HNRNPK: variants seen among roughly 807,000 people sequenced by gnomAD.
HNRNPK encodes heterogeneous nuclear ribonucleoprotein K.
A neutral mutation model predicts 67.0 loss-of-function variants in HNRNPK; 7 were observed. The ratio of observed to expected loss-of-function variants is 0.10; its 90% CI spans 0.06 to 0.20. The LOEUF (loss-of-function observed/expected upper bound fraction) is 0.20, where lower values mean the gene tolerates loss of function less well. Among genes scored for constraint, HNRNPK ranks in the 10% least tolerant of loss-of-function variants. The pLI, the probability that HNRNPK is intolerant of heterozygous loss-of-function variation, is 1.00. For missense variants in HNRNPK, 264 were observed against 606.5 expected (o/e 0.44, Z 5.93); for synonymous variants, 213 against 193.7 (o/e 1.10, Z -0.83).
Position 83,978,390 on chromosome 9 carries a change from T to C in HNRNPK, c.-45A>G. 4 of 1,463,940 alleles carry C rather than the reference T, an allele frequency of 2.7e-6. No homozygotes were observed. The highest frequency in any genetic ancestry group is 3.6e-6 in the Non-Finnish European group (4 of 1,114,982). The allele number at this position is 1,463,940 out of a possible 1,614,324, so 90.7% of individuals were successfully genotyped here. On this transcript the variant is annotated 5_prime_UTR_variant, in exon 2 of 17. Coordinates refer to ENST00000376263, the MANE Select transcript of HNRNPK (RefSeq NM_031263.4). ...GAACGTACCAGTTATTATATATCCT[T>C]GCAGAGCAGAACTGAAGCGTTCTGG...
intron 1 of HNRNPK, among the ~76,000 whole-genome samples, chr9:83,979,713 C>CTCATCCCCCGCA (rs1453982520): frequency 6.8e-6 from 1 of 147,954 alleles, no homozygotes; most frequent in African/African-American, 2.5e-5. Context: ...GTCCCGAGGT[C>CTCATCCCCCGCA]TCATCCCCCG....
chr9:83,977,904 C>CT, intron 3 of HNRNPK, 118 bp from the exon 4 acceptor site: 2 of 664,166 alleles, frequency 3.0e-6, no homozygotes, highest in Non-Finnish European at 5.2e-6. Flanking sequence ...AAAGGCATTG[C>CT]TACAGACTTG....
At chr9:83,974,629 GGAAAA>G in intron 6 of HNRNPK, 40 bp from the exon 7 acceptor site, 3 of 1,435,630 alleles carry the variant, frequency 2.1e-6, no homozygotes, top group Middle Eastern at 1.8e-4. Context: ...CAAAAAAGGT[GGAAAA>G]GAAAAATGAG....
At position 83,978,500 on chromosome 9, in the gene HNRNPK, CTGAA is replaced by C. The variant is rs1957176460; in HGVS notation, c.-107-52_-107-49del. Reference sequence around the variant, plus strand: ...GTTTTGCTTTTGTTTATTCTTATTACTGAATATTTGTTTCCGATCACAGTGAATA... The same window carrying C: ...GTTTTGCTTTTGTTTATTCTTATTACTATTTGTTTCCGATCACAGTGAATA... On this transcript the variant is annotated intron_variant, in intron 1 of 16. Coordinates refer to ENST00000376263, the MANE Select transcript of HNRNPK (RefSeq NM_031263.4). 1.3e-5 allele frequency: 7 copies of C among 540,152 alleles called. No individual in the cohort carries two copies. The South Asian group carries it at 4.5e-4, about 35-fold the overall frequency. 33.5% of individuals were successfully genotyped at this position (540,152 alleles called of 1,614,324 possible).
chr9:83,980,277 C>A, upstream of HNRNPK: 1 of 152,568 alleles, frequency 6.6e-6, no homozygotes, highest in Non-Finnish European at 1.5e-5. Flanking sequence ...CTATTGGCTG[C>A]CAGGGCTTCA....
At chr9:83,970,613 C>T (rs1423430844) in intron 15 of HNRNPK, 124 bp downstream of exon 15, 1 of 728,274 alleles carries the variant, frequency 1.4e-6, no homozygotes, top group South Asian at 1.9e-5. Context: ...CACTAAAGCC[C>T]ATTAACATAA....
At chr9:83,973,762 G>A (rs1564064582) in intron 8 of HNRNPK, 140 bp downstream of exon 8, 10 of 632,142 alleles carry the variant, frequency 1.6e-5, no homozygotes, top group South Asian at 4.1e-5. Context: ...AGGGTCAACA[G>A]TGAGTTGTAA....
intron 1 of HNRNPK, among the ~76,000 whole-genome samples, chr9:83,979,359 G>T (rs973461690): frequency 1.1e-4 from 16 of 152,356 alleles, no homozygotes; most frequent in African/African-American, 3.8e-4. Flanking sequence ...GGTGGGAGAA[G>T]AGTTGGATAA....
chr9:83,974,234 A>G (rs1384433209), intron 7 of HNRNPK, among the ~76,000 whole-genome samples: 2 of 152,050 alleles, frequency 1.3e-5, no homozygotes, highest in Admixed American at 1.3e-4. Flanking sequence ...TTCTAATTTT[A>G]AAAATCTTTC....
chr9:83,974,000 G>T (rs897505515), intron 7 of HNRNPK, 27 bp from the exon 8 acceptor site: 7 of 1,521,122 alleles, frequency 4.6e-6, no homozygotes, highest in Non-Finnish European at 5.5e-6. Flanking sequence ...AAGAGTAATA[G>T]GTTAAGTGTC....
intron 10 of HNRNPK, 108 bp downstream of exon 10, chr9:83,972,736 G>T (rs1376675845): frequency 1.3e-6 from 1 of 763,592 alleles, no homozygotes; most frequent in Non-Finnish European, 2.0e-6. Flanking sequence ...AATTGCTAGG[G>T]AAAGGGCAAA....
chr9:83,970,973 T>TA (rs1298848320), intron 13 of HNRNPK, 61 bp from the exon 14 acceptor site: 14 of 1,516,160 alleles, frequency 9.2e-6, no homozygotes, highest in African/African-American at 1.4e-5. Flanking sequence ...ACCGGTACTT[T>TA]AAAAAAATTC....
In HNRNPK at chr9:83,974,504, A is replaced by T. The variant is rs756220331; in HGVS notation, c.330+13T>A. 149 of 1,408,818 alleles carry T rather than the reference A, an allele frequency of 1.1e-4. No individual in the cohort carries two copies. Among genetic ancestry groups the T allele is most frequent in the Non-Finnish European group, 1.4e-4 (143 of 1,005,934 alleles). The allele number at this position is 1,408,818 out of a possible 1,614,324, so 87.3% of individuals were successfully genotyped here. A position where few individuals can be genotyped will look rare whatever the true frequency, so the allele number is the denominator to read the frequency against. On this transcript the variant is annotated intron_variant, in intron 7 of 16. Transcript: ENST00000376263. The stretch of plus-strand genomic sequence containing the variant: ...TCATATTGTCAAATACATTTAAAAA[A>T]AAATGAGCCTACCTCTTCCAAGGTA...
chr9:83,970,404 T>C (rs1588410778), intron 15 of HNRNPK, 73 bp from the exon 16 acceptor site: 3 of 1,183,292 alleles, frequency 2.5e-6, no homozygotes, highest in South Asian at 1.4e-5. Context: ...TCAAGGAGCA[T>C]GAAGTTATTA....
rs1956875649 is a variant in HNRNPK, at chr9:83,972,164, G to A, written c.671C>T (p.Pro224Leu). 6.2e-7 allele frequency: 1 copy of A among 1,609,866 alleles called. No individual in the cohort carries two copies. The highest frequency in any genetic ancestry group is 8.5e-7 in the Non-Finnish European group (1 of 1,177,750). The change falls in exon 11 of 17, where the codon CCT (proline) becomes CTT (leucine). Residue 224 changes from proline (P) to leucine (L), a missense_variant. By Grantham distance (98) the Pro-to-Leu change is moderately conservative. Coordinates refer to ENST00000376263, the MANE Select transcript of HNRNPK (RefSeq NM_031263.4). ...SESPIKGRAQ[P>L]YDPNFYDETY... The stretch of plus-strand genomic sequence containing the variant: ...TTCATCGTAAAAATTGGGATCATAA[G>A]GCTGTGCACGTCCTTTGATGGGAGA...
At chr9:83,978,541 C>A in intron 1 of HNRNPK, 89 bp from the exon 2 acceptor site, 1 of 287,670 alleles carries the variant, frequency 3.5e-6, no homozygotes, top group Non-Finnish European at 6.0e-6. Context: ...TGATTTGAAC[C>A]CAAAAAACCA....
chr9:83,975,235 A>G (rs1249913311), intron 6 of HNRNPK, among the ~76,000 whole-genome samples: 3 of 152,210 alleles, frequency 2.0e-5, no homozygotes, highest in Non-Finnish European at 4.4e-5. Flanking sequence ...AATATGCAAC[A>G]CTTGAAGCTG....
chr9:83,975,758 TTTTAA>T (rs1957039715), intron 5 of HNRNPK: 1 of 565,034 alleles, frequency 1.8e-6, no homozygotes, highest in Non-Finnish European at 3.2e-6. Flanking sequence ...AAGCAATAAA[TTTTAA>T]TTTAATACAA....
chr9:83,976,341 A>G (rs1046777939), intron 5 of HNRNPK, among the ~76,000 whole-genome samples: 4 of 152,224 alleles, frequency 2.6e-5, no homozygotes, highest in Non-Finnish European at 5.9e-5. Context: ...AAAAATTTAG[A>G]AATTTTGGTG....
Sources: allele counts gnomAD v4.1 joint callset (sites outside exome capture counted in the v4.1 genomes callset), GRCh38; gene constraint gnomAD v4.1.1; transcripts MANE v1.5; gene names NCBI Gene and HGNC (gene_info 2026-07-23, HGNC 2026-07-21).